The following PKD2L1 variants were observed in gnomAD, a reference collection of about 807,000 sequenced individuals.
The protein encoded by PKD2L1 is polycystin-2-like protein 1.
Under a neutral mutation model 93.0 loss-of-function variants are expected in PKD2L1, and 77 were observed. The ratio of observed to expected loss-of-function variants is 0.83; its 90% CI spans 0.69 to 1.00. The LOEUF is 1.00. PKD2L1 is among the 50% of genes least tolerant of loss of function. PKD2L1 has a pLI of 0.00. For missense variants in PKD2L1, 977 were observed against 990.9 expected (o/e 0.99, Z 0.19); for synonymous variants, 390 against 388.0 (o/e 1.01, Z -0.06).
intron 2 of PKD2L1, among the ~76,000 whole-genome samples, chr10:100,325,599 T>C (rs896072328): frequency 1.3e-5 from 2 of 152,218 alleles, no homozygotes; most frequent in Non-Finnish European, 2.9e-5. Context: ...CCCAAGGCAG[T>C]TAAATGGCAC....
chr10:100,288,317 A>G lies in PKD2L1; in HGVS notation c.*79T>C. ...TTTATCTCCTGGTTAAAGCCCACTC[A>G]GTTTCCAGGTTCAGTGGACCAGGAG... On this transcript the variant is annotated 3_prime_UTR_variant, in exon 16 of 16. Coordinates refer to ENST00000318222, the MANE Select transcript of PKD2L1 (RefSeq NM_016112.3). 1 of 871,088 alleles carries G rather than the reference A, an allele frequency of 1.1e-6. No individual in the cohort carries two copies. The highest frequency in any genetic ancestry group is 2.0e-6 in the Non-Finnish European group (1 of 510,330). The allele number at this position is 871,088 out of a possible 1,614,324, so 54.0% of individuals were successfully genotyped here.
In PKD2L1 at chr10:100,292,896, T is replaced by C. The variant is rs1848434748; in HGVS notation, c.1880+52A>G. The C allele has an allele frequency of 6.4e-6, 10 of 1,570,722 alleles. No homozygotes were observed. In the South Asian group the frequency reaches 9.3e-5, roughly 15 times the overall value. ...TAAGCAAATGAAGTATGGTTGAGGG[T>C]TGAGGACTTAAGAGACTGTTATTAG... On this transcript the variant is annotated intron_variant, in intron 11 of 15. Coordinates refer to ENST00000318222, the MANE Select transcript of PKD2L1 (RefSeq NM_016112.3).
intron 2 of PKD2L1, among the ~76,000 whole-genome samples, chr10:100,311,677 A>C (rs1848937192): frequency 6.6e-6 from 1 of 152,084 alleles, no homozygotes. Flanking sequence ...CCCTGCCCCT[A>C]ATATGTGATA....
intron 2 of PKD2L1, among the ~76,000 whole-genome samples, chr10:100,301,879 G>C (rs1480834269): frequency 6.6e-6 from 1 of 152,172 alleles, no homozygotes; most frequent in Non-Finnish European, 1.5e-5. Flanking sequence ...CACGGCTTCA[G>C]CAGGTCCCTC....
chr10:100,323,372 G>A (rs550218294), intron 2 of PKD2L1, among the ~76,000 whole-genome samples: 1 of 152,240 alleles, frequency 6.6e-6, no homozygotes, highest in East Asian at 1.9e-4. Context: ...AGGTTCAAGC[G>A]ATTCTCTTGC....
chr10:100,315,267 G>A (rs1224313172), intron 2 of PKD2L1, among the ~76,000 whole-genome samples: 1 of 152,074 alleles, frequency 6.6e-6, no homozygotes, highest in East Asian at 1.9e-4. Flanking sequence ...ATGTGCCACG[G>A]TGGTTTGCTG....
chr10:100,302,588 C>T (rs1286861848), intron 2 of PKD2L1, among the ~76,000 whole-genome samples: 1 of 151,674 alleles, frequency 6.6e-6, no homozygotes, highest in East Asian at 1.9e-4. Flanking sequence ...CCTGTAATCC[C>T]AGCTGCTTGG....
Position 100,289,990 on chromosome 10 carries a change from G to A in PKD2L1, c.2250+25C>T, listed in dbSNP as rs200921280. The stretch of plus-strand genomic sequence containing the variant: ...GCAGAGTTCAGCTGTGAGGAACTAG[G>A]AGGACCAGGTGAAGGGCCACTCACC... On this transcript the variant is annotated intron_variant, in intron 14 of 15. Transcript: ENST00000318222. The A allele has an allele frequency of 7.2e-5, 117 of 1,613,880 alleles. No homozygotes were observed. In the African/African-American group the frequency reaches 1.3e-3, roughly 18 times the overall value.
chr10:100,318,244 G>A (rs1401648340), intron 2 of PKD2L1, among the ~76,000 whole-genome samples: 1 of 152,096 alleles, frequency 6.6e-6, no homozygotes, highest in East Asian at 1.9e-4. Context: ...CCCTACCTGT[G>A]TACCTTATTT....
intron 11 of PKD2L1, among the ~76,000 whole-genome samples, chr10:100,292,391 C>T (rs1848423407): frequency 6.6e-6 from 1 of 151,702 alleles, no homozygotes; most frequent in Non-Finnish European, 1.5e-5. Flanking sequence ...ACTCAGGAGG[C>T]TGAGGCATGA....
In PKD2L1 at chr10:100,298,579, C is replaced by T. The variant is rs1848603339; in HGVS notation, c.714G>A (p.Gly238=). 6.2e-7 allele frequency: 1 copy of T among 1,614,104 alleles called. No homozygotes were observed. ...TCACTCACGCTGTGCCATTGAAGGG[C>T]CCAAAGGGGAGTTGTTCTTCTTTGT... ...SPDKEEQLPF[G]PFNGTAWTYH... Residue 238 remains glycine (G), a synonymous_variant, in exon 4 of 16, where the codon GGG becomes GGA. Transcript: ENST00000318222.
intron 7 of PKD2L1, among the ~76,000 whole-genome samples, 191 bp from the exon 8 acceptor site, chr10:100,295,314 T>C (rs1167225696): frequency 6.6e-6 from 1 of 150,928 alleles, no homozygotes. Context: ...TCCAGCTACT[T>C]GGGAGGCTGA....
intron 2 of PKD2L1, among the ~76,000 whole-genome samples, chr10:100,325,251 A>G (rs1435610318): frequency 1.3e-5 from 2 of 151,714 alleles, no homozygotes; most frequent in African/African-American, 4.8e-5. Flanking sequence ...CTATTTTTAC[A>G]CTCTTGGGGG....
intron 2 of PKD2L1, among the ~76,000 whole-genome samples, chr10:100,325,268 C>A (rs1005203395): frequency 2.0e-5 from 3 of 152,166 alleles, no homozygotes; most frequent in South Asian, 2.1e-4. Context: ...GGGGCTACAT[C>A]GTCCCCACTG....
intron 2 of PKD2L1, among the ~76,000 whole-genome samples, chr10:100,316,292 C>T (rs1265594724): frequency 6.6e-6 from 1 of 152,226 alleles, no homozygotes; most frequent in African/African-American, 2.4e-5. Context: ...CCTGCCTCAG[C>T]CTCCGGAGTA....
chr10:100,303,317 C>T (rs1164402085), intron 2 of PKD2L1, among the ~76,000 whole-genome samples: 1 of 151,850 alleles, frequency 6.6e-6, no homozygotes, highest in Non-Finnish European at 1.5e-5. Context: ...CCTCAGCCTC[C>T]CGAGTAGCTG....
rs1849448942 is a variant in PKD2L1 at position 100,329,274 on chromosome 10, A to G, written c.286T>C (p.Tyr96His). The change falls in exon 2 of 16, where the codon TAT (tyrosine) becomes CAT (histidine). Residue 96 changes from tyrosine (Y) to histidine (H), a missense_variant. Coordinates refer to ENST00000318222, the MANE Select transcript of PKD2L1 (RefSeq NM_016112.3). Reference sequence around the variant, plus strand: ...AGCTCCCTCAGGGTGGTCTTGATATAAAGTTCCCGGTTCTCAGCTGTGTTC... The same window carrying G: ...AGCTCCCTCAGGGTGGTCTTGATATGAAGTTCCCGGTTCTCAGCTGTGTTC... Reference protein sequence around the residue: ...TENTAENRELYIKTTLRELLV... With the variant: ...TENTAENRELHIKTTLRELLV... The G allele has an allele frequency of 6.2e-7, 1 of 1,614,034 alleles. No individual in the cohort carries two copies. Among genetic ancestry groups the G allele is most frequent in the African/African-American group, 1.3e-5 (1 of 74,920 alleles).
Position 100,293,005 on chromosome 10 carries a change from A to G in PKD2L1, c.1823T>C (p.Val608Ala). 1 of 1,614,098 alleles carries G rather than the reference A, an allele frequency of 6.2e-7. No homozygotes were observed. Among genetic ancestry groups the G allele is most frequent in the Non-Finnish European group, 8.5e-7 (1 of 1,179,990 alleles). Reference protein sequence around the residue: ...RKERVSDVQKVLQGGEQEIQF... With the variant: ...RKERVSDVQKALQGGEQEIQF... Reference sequence around the variant, plus strand: ...GATCTCCTGCTCCCCACCCTGCAGGACCTTCTGCACATCCGAAACCCTCTC... The same window carrying G: ...GATCTCCTGCTCCCCACCCTGCAGGGCCTTCTGCACATCCGAAACCCTCTC... The change falls in exon 11 of 16, where the codon GTC becomes GCC. Residue 608 changes from valine to alanine, a missense_variant. Coordinates refer to ENST00000318222, the MANE Select transcript of PKD2L1 (RefSeq NM_016112.3).
chr10:100,298,322 T>C (rs1177535102), intron 4 of PKD2L1, among the ~76,000 whole-genome samples: 1 of 152,238 alleles, frequency 6.6e-6, no homozygotes, highest in African/African-American at 2.4e-5. Flanking sequence ...GATTGCAACC[T>C]GTCTGTGGGA....
Sources: gnomAD v4.1 joint callset for allele counts (sites outside exome capture counted in the v4.1 genomes callset) on GRCh38, gnomAD v4.1.1 for gene constraint, MANE v1.5 for transcripts, NCBI Gene and HGNC (gene_info 2026-07-23, HGNC 2026-07-21) for gene names.